EMSY: variants seen among roughly 807,000 people sequenced by gnomAD.
The protein encoded by EMSY is BRCA2-interacting transcriptional repressor EMSY.
EMSY carries 26 observed loss-of-function variants against 134.6 expected under a neutral mutation model. The ratio of observed to expected loss-of-function variants is 0.19; its 90% CI spans 0.14 to 0.27. EMSY has a LOEUF of 0.27. EMSY is among the 10% of genes least tolerant of loss of function. The pLI, the probability that EMSY is intolerant of heterozygous loss-of-function variation, is 1.00. For synonymous variants in EMSY, 579 were observed against 577.8 expected (o/e 1.00, Z -0.03); for missense variants, 1,305 against 1,611.4 (o/e 0.81, Z 3.26).
At chr11:76,552,642 G>T (rs745753745), downstream of EMSY, 1 of 152,122 alleles carries the variant, frequency 6.6e-6, no homozygotes, top group Non-Finnish European at 1.5e-5. Flanking sequence ...AAAAACCAAA[G>T]GGGGCTTCAT....
intron 8 of EMSY, among the ~76,000 whole-genome samples, chr11:76,476,808 G>A (rs1487603275): frequency 6.6e-6 from 1 of 152,050 alleles, no homozygotes; most frequent in Non-Finnish European, 1.5e-5. Context: ...AGTGAAAAAT[G>A]GTGTTTAGAT....
At chr11:76,513,209 TAAAC>T (rs1950337164) in intron 9 of EMSY, among the ~76,000 whole-genome samples, 173 bp from the exon 11 acceptor site, 1 of 152,118 alleles carries the variant, frequency 6.6e-6, no homozygotes, top group South Asian at 2.1e-4. Flanking sequence ...AAATGAGAAA[TAAAC>T]TAAGAAAGAT....
At chr11:76,455,490 T>C (rs1413589211) in intron 4 of EMSY, among the ~76,000 whole-genome samples, 1 of 151,944 alleles carries the variant, frequency 6.6e-6, no homozygotes, top group Non-Finnish European at 1.5e-5. Context: ...GGCTTCATAC[T>C]CCAAGCCTAG....
rs141214280 is a variant in EMSY at position 76,537,893 on chromosome 11, G to C, written c.2458G>C (p.Glu820Gln). 4.3e-6 allele frequency: 7 copies of C among 1,613,688 alleles called. No homozygotes were observed. In the African/African-American group the frequency reaches 9.3e-5, roughly 22 times the overall value. Residue 820 changes from glutamate to glutamine, a missense_variant, in exon 16 of 21, where the codon GAG becomes CAG. This residue lies in a region of EMSY where 664 missense variants were observed against 763.9 expected (regional missense o/e 0.87). Transcript: ENST00000334736. ...GACCCAGGAAAAGAGACATTCTCCT[G>C]AGAGTCCATCAATTGCTGTGGTAGA...
chr11:76,466,704 A>G (rs1309783377), intron 7 of EMSY, among the ~76,000 whole-genome samples: 1 of 152,168 alleles, frequency 6.6e-6, no homozygotes, highest in Non-Finnish European at 1.5e-5. Flanking sequence ...GATCTGTGGG[A>G]TGTAATTCTA....
chr11:76,472,784 C>G (rs141073024), exon 8 of EMSY: 6 of 1,613,912 alleles, frequency 3.7e-6, no homozygotes, highest in Non-Finnish European at 5.1e-6. Flanking sequence ...AATACAGTTG[C>G]AGTAACAGCT....
At chr11:76,507,722 C>A (rs529218002) in intron 9 of EMSY, among the ~76,000 whole-genome samples, 105 of 152,160 alleles carry the variant, frequency 6.9e-4, no homozygotes, top group Admixed American at 1.3e-3. Flanking sequence ...TTGACCTCCT[C>A]CCATGATTCA....
chr11:76,530,284 C>T (rs985544061), intron 14 of EMSY, among the ~76,000 whole-genome samples: 31 of 151,730 alleles, frequency 2.0e-4, no homozygotes, highest in African/African-American at 7.0e-4. Flanking sequence ...CTCAGCCTCC[C>T]GAGTAGCTGG....
At chr11:76,454,898 C>A in intron 4 of EMSY, 108 bp downstream of exon 5, 1 of 833,550 alleles carries the variant, frequency 1.2e-6, no homozygotes, top group Non-Finnish European at 1.8e-6. Context: ...TTAACCATGC[C>A]CCTTGCTTTC....
rs141256144 is a variant in EMSY, at chr11:76,512,589, A to T, written c.1364-797A>T. Among the ~76,000 whole-genome samples, 2 of 152,096 alleles carry T rather than the reference A, an allele frequency of 1.3e-5. 1 individual carries two copies. Among genetic ancestry groups the T allele is most frequent in the East Asian group, 3.9e-4 (2 of 5,192 alleles). ...TGTTTCAGCCTCAAAGAGCATGTTT[A>T]TATAAAATTAAATGAATGCAGGCAG... On this transcript the variant is annotated intron_variant, in intron 9 of 20. Coordinates refer to ENST00000334736, the Ensembl canonical transcript of EMSY.
chr11:76,472,634 C>G, exon 8 of EMSY: 1 of 1,614,082 alleles, frequency 6.2e-7, no homozygotes, highest in Non-Finnish European at 8.5e-7. Context: ...CATAACTATG[C>G]AGCAGTCACT....
At chr11:76,526,105 T>G (rs1950837766) in intron 12 of EMSY, among the ~76,000 whole-genome samples, 1 of 152,098 alleles carries the variant, frequency 6.6e-6, no homozygotes, top group African/African-American at 2.4e-5. Context: ...TAATCCCAAT[T>G]CTTAGAGACA....
chr11:76,456,113 A>T (rs552756044), intron 4 of EMSY, among the ~76,000 whole-genome samples: 2 of 152,314 alleles, frequency 1.3e-5, no homozygotes, highest in African/African-American at 4.8e-5. Flanking sequence ...TACTCACACT[A>T]AAGTATCTCA....
chr11:76,494,492 C>G (rs895095636), intron 8 of EMSY, among the ~76,000 whole-genome samples: 3 of 152,148 alleles, frequency 2.0e-5, no homozygotes, highest in Non-Finnish European at 4.4e-5. Context: ...CTGAAAGAGG[C>G]TCCAGAGATA....
chr11:76,547,265 T>C (rs1240142337), intron 20 of EMSY, among the ~76,000 whole-genome samples: 4 of 152,218 alleles, frequency 2.6e-5, no homozygotes, highest in Non-Finnish European at 4.4e-5. Context: ...CTCTTTGCCA[T>C]GATCCCAAAC....
intron 3 of EMSY, among the ~76,000 whole-genome samples, chr11:76,452,968 A>C (rs10793169): frequency 9.2e-4 from 140 of 152,010 alleles, no homozygotes; most frequent in Middle Eastern, 3.4e-3. Context: ...TTAGGAAGCC[A>C]TTCAGCATCT....
chr11:76,496,418 T>A (rs1356039057), exon 9 of EMSY: 1 of 1,613,972 alleles, frequency 6.2e-7, no homozygotes. Flanking sequence ...GCCTCAGCAG[T>A]CTCCTTTGCC....
rs114214057 is a variant in EMSY at position 76,500,658 on chromosome 11, A to G, written c.1363+4189A>G. On this transcript the variant is annotated intron_variant, in intron 9 of 20. Coordinates refer to ENST00000334736, the Ensembl canonical transcript of EMSY. ...AGAGTAATCAACCAGCAGTTAATAG[A>G]GTTTAACAGCTGGGTGTCGTCAAGG... 2.9e-3 allele frequency among the ~76,000 whole-genome samples: 446 copies of G among 152,348 alleles called. 4 individuals carry two copies. The highest frequency in any genetic ancestry group is 0.01 in the African/African-American group (421 of 41,574).
intron 9 of EMSY, among the ~76,000 whole-genome samples, chr11:76,506,236 A>G (rs1448937646): frequency 6.6e-6 from 1 of 152,226 alleles, no homozygotes; most frequent in Non-Finnish European, 1.5e-5. Context: ...CAAACCCTGC[A>G]CACAAAAAAG....
Sources: allele counts gnomAD v4.1 joint callset (sites outside exome capture counted in the v4.1 genomes callset), GRCh38; gene constraint gnomAD v4.1.1; regional missense constraint gnomAD v4.1.1; transcripts MANE v1.5; gene names NCBI Gene and HGNC (gene_info 2026-07-23, HGNC 2026-07-21).